The following NCAM2 variants were observed in gnomAD, a reference collection of about 807,000 sequenced individuals.
NCAM2 encodes the protein N-CAM-2.
In NCAM2, 30 loss-of-function variants were observed where a neutral mutation model predicts 98.1. The ratio of observed to expected loss-of-function variants is 0.31; its 90% CI spans 0.23 to 0.41. NCAM2 has a LOEUF of 0.41. Ranked by LOEUF, NCAM2 falls within the 10% of genes least tolerant of loss-of-function variation. The pLI is 1.00. For missense variants in NCAM2, 867 were observed against 1,005.8 expected (o/e 0.86, Z 1.87); for synonymous variants, 368 against 342.4 (o/e 1.07, Z -0.83).
At chr21:21,372,246 TA>T (rs1265959512) in intron 8 of NCAM2, among the ~76,000 whole-genome samples, 1 of 151,788 alleles carries the variant, frequency 6.6e-6, no homozygotes, top group African/African-American at 2.4e-5. Flanking sequence ...CAATAAACTC[TA>T]AAAATAACCA....
At chr21:21,128,753 G>T (rs543963033) in intron 1 of NCAM2, among the ~76,000 whole-genome samples, 6 of 152,164 alleles carry the variant, frequency 3.9e-5, no homozygotes, top group African/African-American at 1.4e-4. Context: ...GAAGAGTTAA[G>T]AAATTATTTG....
intron 1 of NCAM2, among the ~76,000 whole-genome samples, chr21:21,188,470 A>G (rs752378152): frequency 2.0e-5 from 3 of 152,186 alleles, no homozygotes; most frequent in African/African-American, 4.8e-5. Flanking sequence ...AAATTTTTCT[A>G]TAACTAGCTA....
At chr21:21,523,009 T>C (rs1989117516) in intron 16 of NCAM2, among the ~76,000 whole-genome samples, 1 of 152,056 alleles carries the variant, frequency 6.6e-6, no homozygotes, top group Non-Finnish European at 1.5e-5. Flanking sequence ...ATTGGACTTG[T>C]TTATGTTTTG....
chr21:21,378,927 A>G (rs2076091069), intron 9 of NCAM2, among the ~76,000 whole-genome samples: 2 of 151,768 alleles, frequency 1.3e-5, no homozygotes, highest in Admixed American at 1.3e-4. Context: ...AGTTTATTAA[A>G]TTTATCAAAC....
chr21:21,418,382 A>G, intron 10 of NCAM2, 91 bp from the exon 11 acceptor site: 1 of 880,998 alleles, frequency 1.1e-6, no homozygotes, highest in East Asian at 2.4e-5. Context: ...GTAAAAAATG[A>G]AATGTGTGAA....
intron 8 of NCAM2, among the ~76,000 whole-genome samples, chr21:21,352,414 G>T (rs150303197): frequency 6.6e-6 from 1 of 152,032 alleles, no homozygotes; most frequent in Non-Finnish European, 1.5e-5. Context: ...GAGCCACCTT[G>T]CCTGGCTCCA....
intron 1 of NCAM2, among the ~76,000 whole-genome samples, chr21:21,164,718 AT>A (rs1181686302): frequency 1.3e-5 from 2 of 152,108 alleles, no homozygotes; most frequent in Non-Finnish European, 1.5e-5. Context: ...CTTGTTATTT[AT>A]TTTTTAATTG....
chr21:21,445,376 C>A (rs372124528), intron 12 of NCAM2, among the ~76,000 whole-genome samples: 2 of 152,066 alleles, frequency 1.3e-5, no homozygotes, highest in South Asian at 4.1e-4. Flanking sequence ...GAGTTAAAGT[C>A]CTGAATATCC....
chr21:21,356,987 C>CAATAAATAAATAAATAAATA (rs56359248), intron 8 of NCAM2, among the ~76,000 whole-genome samples: 6 of 145,052 alleles, frequency 4.1e-5, no homozygotes, highest in South Asian at 2.2e-4. Context: ...GAAACTCCAT[C>CAATAAATAAATAAATAAATA]AATAAATAAA....
At chr21:21,201,933 A>G (rs1053037132) in intron 1 of NCAM2, among the ~76,000 whole-genome samples, 1 of 152,172 alleles carries the variant, frequency 6.6e-6, no homozygotes, top group Non-Finnish European at 1.5e-5. Flanking sequence ...ATGTTAAAAA[A>G]AGACTTCCAG....
chr21:21,520,713 T>C (rs992367421), intron 16 of NCAM2, among the ~76,000 whole-genome samples: 13 of 152,016 alleles, frequency 8.6e-5, no homozygotes, highest in African/African-American at 3.1e-4. Context: ...GTCCTGAAAA[T>C]TGAAGAGGCA....
chr21:21,476,124 G>A (rs1309734367), intron 14 of NCAM2, among the ~76,000 whole-genome samples: 11 of 152,006 alleles, frequency 7.2e-5, no homozygotes, highest in African/African-American at 1.2e-4. Flanking sequence ...GTTAAATTGT[G>A]GCTCAACATA....
intron 14 of NCAM2, among the ~76,000 whole-genome samples, chr21:21,470,313 A>G (rs1177524129): frequency 5.3e-5 from 8 of 152,110 alleles, no homozygotes; most frequent in Admixed American, 5.2e-4. Flanking sequence ...TCTGACTTCA[A>G]ATTCATATTG....
At chr21:21,071,881 A>T (rs1045655023) in intron 1 of NCAM2, among the ~76,000 whole-genome samples, 8 of 134,784 alleles carry the variant, frequency 5.9e-5, no homozygotes, top group African/African-American at 2.0e-4. Flanking sequence ...CTATCTATCT[A>T]TCTATCTATC....
At chr21:21,360,783 T>A (rs1568978038) in intron 8 of NCAM2, among the ~76,000 whole-genome samples, 1 of 151,990 alleles carries the variant, frequency 6.6e-6, no homozygotes, top group Non-Finnish European at 1.5e-5. Flanking sequence ...TGAATATAGC[T>A]GAAGAAAATC....
intron 1 of NCAM2, among the ~76,000 whole-genome samples, chr21:21,017,388 T>A (rs1219840289): frequency 2.6e-5 from 3 of 116,214 alleles, no homozygotes; most frequent in Non-Finnish European, 4.8e-5. Flanking sequence ...ATCACGCCAC[T>A]GCACTCCAGC....
intron 5 of NCAM2, among the ~76,000 whole-genome samples, chr21:21,318,745 A>G (rs2074290358): frequency 6.6e-6 from 1 of 152,198 alleles, no homozygotes; most frequent in African/African-American, 2.4e-5. Flanking sequence ...CAAATGCTGT[A>G]ATAGATATGT....
intron 1 of NCAM2, among the ~76,000 whole-genome samples, chr21:21,026,170 A>G (rs2064541325): frequency 6.6e-6 from 1 of 152,196 alleles, no homozygotes; most frequent in Non-Finnish European, 1.5e-5. Context: ...GAAGGAAGCA[A>G]GAGCCGGGCT....
rs886683140 is a variant in NCAM2 at position 21,540,622 on chromosome 21, A to G, written c.*2665A>G. 6.6e-6 allele frequency: 1 copy of G among 152,120 alleles called. No homozygotes were observed. The highest frequency in any genetic ancestry group is 6.6e-5 in the Admixed American group (1 of 15,238). 9.4% of individuals were successfully genotyped at this position (152,120 alleles called of 1,614,324 possible). On this transcript the variant is annotated 3_prime_UTR_variant, in exon 18 of 18. Transcript: ENST00000400546. ...TTCTAGATTAAACAAACATATACAT[A>G]TAACCATATAAATGTTATTTTTATT...
Sources: allele counts gnomAD v4.1 joint callset (sites outside exome capture counted in the v4.1 genomes callset), GRCh38; gene constraint gnomAD v4.1.1; transcripts MANE v1.5; gene names NCBI Gene and HGNC (gene_info 2026-07-23, HGNC 2026-07-21).